Variants in TAX1BP3 observed in about 807,000 individuals in gnomAD.
The protein encoded by TAX1BP3 is tax1-binding protein 3.
A neutral mutation model predicts 15.3 loss-of-function variants in TAX1BP3; 13 were observed. The observed-to-expected ratio is 0.85, with a 90% CI of 0.55 to 1.35. TAX1BP3 has a LOEUF of 1.35. TAX1BP3 is among the 40% of genes most tolerant of loss of function. The probability of loss-of-function intolerance (pLI) is 0.00; values close to 1 mark genes in which losing one functional copy is unlikely to be tolerated. For missense variants in TAX1BP3, 147 were observed against 169.6 expected (o/e 0.87, Z 0.74); for synonymous variants, 70 against 66.0 (o/e 1.06, Z -0.30).
chr17:3,666,831 T>G (rs1204676313), intron 1 of TAX1BP3, among the ~76,000 whole-genome samples: 1 of 152,154 alleles, frequency 6.6e-6, no homozygotes, highest in Non-Finnish European at 1.5e-5. Flanking sequence ...AGGCCTACTG[T>G]GCCTGGGTCC....
intron 3 of TAX1BP3, 147 bp downstream of exon 3, chr17:3,664,048 A>G (rs1463848900): frequency 9.9e-6 from 14 of 1,419,108 alleles, no homozygotes; most frequent in Non-Finnish European, 1.2e-5. Context: ...AGAGAAAGCC[A>G]GCGTCCTCTG....
intron 2 of TAX1BP3, 120 bp downstream of exon 2, chr17:3,664,559 T>C: frequency 7.1e-7 from 1 of 1,415,022 alleles, no homozygotes; most frequent in South Asian, 1.2e-5. Flanking sequence ...CGATGCCTTC[T>C]TAGAGAGCAT....
At chr17:3,664,463 G>A in intron 2 of TAX1BP3, 191 bp from the exon 3 acceptor site, 1 of 922,260 alleles carries the variant, frequency 1.1e-6, no homozygotes, top group Non-Finnish European at 1.7e-6. Flanking sequence ...CACCGGCCCT[G>A]CTGATGGCCG....
In TAX1BP3 at chr17:3,668,522, G is replaced by A; in HGVS notation, c.5C>T (p.Ser2Phe). 1.9e-6 allele frequency: 3 copies of A among 1,607,666 alleles called. No individual in the cohort carries two copies. The South Asian group carries it at 3.3e-5, about 18-fold the overall frequency. ...GGTGACCGGCTGGCCCGGGATGTAG[G>A]ACATCTCGACCCTGCTCTGGTCGCC... MSYIPGQPVTAV... is the reference protein window; with the variant it reads MFYIPGQPVTAV... Residue 2 changes from serine (S) to phenylalanine (F), a missense_variant, in exon 1 of 4, where the codon TCC becomes TTC. By Grantham distance (155) the Ser-to-Phe change is radical. Transcript: ENST00000225525. This position sits in a 1 kb window ranked among gnomAD's most constrained non-coding sequence, Gnocchi z 4.1.
At position 3,663,564 on chromosome 17, in the gene TAX1BP3, G is replaced by A. The variant is rs550854679; in HGVS notation, c.*184C>T. On this transcript the variant is annotated 3_prime_UTR_variant, in exon 4 of 4. Coordinates refer to ENST00000225525, the MANE Select transcript of TAX1BP3 (RefSeq NM_014604.4). The stretch of plus-strand genomic sequence containing the variant: ...TCCTCGGTGTCCAGGAGAGAAAGCC[G>A]GTCCCAGAGGCCCCAGGCCAGGGAT... 2.3e-6 allele frequency: 2 copies of A among 851,496 alleles called. No individual in the cohort carries two copies. Among genetic ancestry groups the A allele is most frequent in the Non-Finnish European group, 1.7e-6 (1 of 596,418 alleles). The allele number at this position is 851,496 out of a possible 1,614,324, so 52.7% of individuals were successfully genotyped here. A position where few individuals can be genotyped will look rare whatever the true frequency, so the allele number is the denominator to read the frequency against.
Position 3,664,803 on chromosome 17 carries a change from C to A in TAX1BP3, c.40-5G>T. 6.2e-7 allele frequency: 1 copy of A among 1,609,726 alleles called. No homozygotes were observed. Among genetic ancestry groups the A allele is most frequent in the East Asian group, 2.2e-5 (1 of 44,864 alleles). ...CTTGTGAATTTCAACTCTTTGCTGG[C>A]AAAGAAAAAAGCCAGTTGAGAGAAG... is the stretch of plus-strand genomic sequence containing the variant. On this transcript the variant is annotated splice_region_variant and splice_polypyrimidine_tract_variant and intron_variant, in intron 1 of 3. Coordinates refer to ENST00000225525, the MANE Select transcript of TAX1BP3 (RefSeq NM_014604.4).
Position 3,664,705 on chromosome 17 carries a change from G to A in TAX1BP3, c.133C>T (p.Pro45Ser). ...TTGTCCGTCTTGTCTTCAGAGAAGGGATTCTGGGAAGGATCCTGGTCGATT... is the reference window on the plus strand; with the variant it reads ...TTGTCCGTCTTGTCTTCAGAGAAGGAATTCTGGGAAGGATCCTGGTCGATT... Reference protein sequence around the residue: ...GGIDQDPSQNPFSEDKTDKGI... With the variant: ...GGIDQDPSQNSFSEDKTDKGI... The change falls in exon 2 of 4, where the codon CCC (proline) becomes TCC (serine). Residue 45 changes from proline (P) to serine (S), a missense_variant. Coordinates refer to ENST00000225525, the MANE Select transcript of TAX1BP3 (RefSeq NM_014604.4). The A allele has an allele frequency of 6.2e-7, 1 of 1,613,830 alleles. No homozygotes were observed. The highest frequency in any genetic ancestry group is 8.5e-7 in the Non-Finnish European group (1 of 1,179,932).
Position 3,668,539 on chromosome 17 carries a change from C to A in TAX1BP3, c.-13G>T. 6.2e-7 allele frequency: 1 copy of A among 1,602,426 alleles called. No homozygotes were observed. The highest frequency in any genetic ancestry group is 2.3e-5 in the East Asian group (1 of 44,152). On this transcript the variant is annotated 5_prime_UTR_variant, in exon 1 of 4. Transcript: ENST00000225525. This position sits in a 1 kb window ranked among gnomAD's most constrained non-coding sequence, Gnocchi z 4.1. ...GGATGTAGGACATCTCGACCCTGCT[C>A]TGGTCGCCCAGCGCCGCTCCGAGAA... is the stretch of plus-strand genomic sequence containing the variant.
In TAX1BP3 at chr17:3,668,002, A is replaced by G. The variant is rs1423510368; in HGVS notation, c.39+486T>C. ...CAGGCGGCGAGTGGGTTGGAGGAGC[A>G]AGGCTGGACAGGAAGGGGGCAGGGG... is the stretch of plus-strand genomic sequence containing the variant. On this transcript the variant is annotated intron_variant, in intron 1 of 3. Transcript: ENST00000225525. The surrounding 1 kb of genome is among the most constrained non-coding windows in gnomAD (Gnocchi z 4.1). Among the ~76,000 whole-genome samples, 5 of 152,248 alleles carry G rather than the reference A, an allele frequency of 3.3e-5. No homozygotes were observed. The highest frequency in any genetic ancestry group is 3.3e-4 in the Admixed American group (5 of 15,288).
intron 2 of TAX1BP3, 161 bp downstream of exon 2, chr17:3,664,518 C>T: frequency 8.9e-7 from 1 of 1,119,340 alleles, no homozygotes; most frequent in Non-Finnish European, 1.3e-6. Flanking sequence ...CTTCCTCACC[C>T]CACCCGTCCT....
Position 3,668,345 on chromosome 17 carries a change from G to T in TAX1BP3, c.39+143C>A. On this transcript the variant is annotated intron_variant, in intron 1 of 3. Coordinates refer to ENST00000225525, the MANE Select transcript of TAX1BP3 (RefSeq NM_014604.4). The surrounding 1 kb of genome is among the most constrained non-coding windows in gnomAD (Gnocchi z 4.1). Reference sequence around the variant, plus strand: ...GCTGGGGGAACTGCGGCCCGCTCCGGCAAAGCGGGGACCCGAGCCCTTGCC... The same window carrying T: ...GCTGGGGGAACTGCGGCCCGCTCCGTCAAAGCGGGGACCCGAGCCCTTGCC... 8.9e-7 allele frequency: 1 copy of T among 1,117,784 alleles called. No individual in the cohort carries two copies. Among genetic ancestry groups the T allele is most frequent in the South Asian group, 1.7e-5 (1 of 59,908 alleles). 69.2% of individuals were successfully genotyped at this position (1,117,784 alleles called of 1,614,324 possible).
chr17:3,665,764 A>C, intron 1 of TAX1BP3: 2 of 608,014 alleles, frequency 3.3e-6, no homozygotes, highest in Non-Finnish European at 5.8e-6. Flanking sequence ...AAAAAAAAAA[A>C]AGAAAGGAGA....
At chr17:3,664,935 T>TG in intron 1 of TAX1BP3, 137 bp from the exon 2 acceptor site, 2 of 1,321,622 alleles carry the variant, frequency 1.5e-6, no homozygotes. Context: ...CTCACCAGCC[T>TG]GGGAGGCTGA....
At chr17:3,665,091 G>C in intron 1 of TAX1BP3, 3 of 695,756 alleles carry the variant, frequency 4.3e-6, no homozygotes, top group Non-Finnish European at 7.7e-6. Context: ...TCCAGGTGCT[G>C]TGGCTTCTGT....
At chr17:3,664,067 C>T in intron 3 of TAX1BP3, 128 bp downstream of exon 3, 1 of 1,449,246 alleles carries the variant, frequency 6.9e-7, no homozygotes, top group Non-Finnish European at 9.5e-7. Context: ...TGGGGCAATG[C>T]CAGTATGGGT....
chr17:3,666,283 G>C (rs995310272), intron 1 of TAX1BP3, among the ~76,000 whole-genome samples: 1 of 152,228 alleles, frequency 6.6e-6, no homozygotes, highest in African/African-American at 2.4e-5. Context: ...GAACGGAGTA[G>C]GGTAGGGCAT....
chr17:3,663,966 T>C, intron 3 of TAX1BP3, 81 bp from the exon 4 acceptor site: 1 of 1,544,690 alleles, frequency 6.5e-7, no homozygotes, highest in Non-Finnish European at 8.7e-7. Context: ...GGGGCCCAGG[T>C]CATTCAAGTA....
chr17:3,665,740 TCCAAAAAAAAAAAA>T, intron 1 of TAX1BP3: 6 of 115,814 alleles, frequency 5.2e-5, no homozygotes, highest in Non-Finnish European at 8.0e-5. Flanking sequence ...ATCTCTGGGC[TCCAAAAAAAAAAAA>T]AAAAAAAAAA....
Position 3,668,414 on chromosome 17 carries a change from T to G in TAX1BP3, c.39+74A>C. On this transcript the variant is annotated intron_variant, in intron 1 of 3. Coordinates refer to ENST00000225525, the MANE Select transcript of TAX1BP3 (RefSeq NM_014604.4). The surrounding 1 kb of genome is among the most constrained non-coding windows in gnomAD (Gnocchi z 4.1). ...CGGGTTCGATGCTCTGTCAACCTGCTTGGGGTGTCCGTTTCCCGCTCTGCG... is the reference window on the plus strand; with the variant it reads ...CGGGTTCGATGCTCTGTCAACCTGCGTGGGGTGTCCGTTTCCCGCTCTGCG... 6.4e-7 allele frequency: 1 copy of G among 1,571,076 alleles called. No individual in the cohort carries two copies. The highest frequency in any genetic ancestry group is 8.7e-7 in the Non-Finnish European group (1 of 1,155,180).
Sources: gnomAD v4.1 joint callset for allele counts (sites outside exome capture counted in the v4.1 genomes callset) on GRCh38, gnomAD v4.1.1 for gene constraint, Gnocchi (gnomAD v3.1) non-coding constraint, MANE v1.5 for transcripts, NCBI Gene and HGNC (gene_info 2026-07-23, HGNC 2026-07-21) for gene names.